XRN1: variants seen among roughly 807,000 people sequenced by gnomAD.
The protein encoded by XRN1 is strand-exchange protein 1 homolog.
In XRN1, 67 loss-of-function variants were observed where a neutral mutation model predicts 222.3. The ratio of observed to expected loss-of-function variants is 0.30; its 90% CI spans 0.25 to 0.37. The LOEUF (loss-of-function observed/expected upper bound fraction) is 0.37, where lower values mean the gene tolerates loss of function less well. Among genes scored for constraint, XRN1 ranks in the 10% least tolerant of loss-of-function variants. XRN1 has a pLI of 1.00. For synonymous variants in XRN1, 643 were observed against 652.4 expected, an observed-to-expected ratio of 0.99 and a Z score of 0.22; for missense variants, 1,707 against 2,000.2, an observed-to-expected ratio of 0.85 and a Z score of 2.80.
chr3:142,319,833 C>T (rs1029395365), intron 37 of XRN1, among the ~76,000 whole-genome samples: 6 of 151,892 alleles, frequency 4.0e-5, no homozygotes, highest in East Asian at 1.9e-4. Context: ...CTACAAGATA[C>T]GTGATTTCAT....
rs373660192 is a variant in XRN1 at position 142,422,903 on chromosome 3, T to A, written c.730A>T (p.Thr244Ser). The change falls in exon 7 of 41, where the codon ACT (threonine) becomes TCT (serine). Residue 244 changes from threonine (T) to serine (S), a missense_variant. Physicochemically the swap from Thr to Ser is moderately conservative, Grantham distance 58 (BLOSUM62 1). Coordinates refer to ENST00000392981, the MANE Select transcript of XRN1 (RefSeq NM_001282857.2). The stretch of plus-strand genomic sequence containing the variant: ...GACAAGTGTAGAAGGTGAAATGTAG[T>A]TTCTTCTGGAGCACATACCCTGGAA... ...KTQRVCAPEE[T>S]TFHLLHLSLM... 4 of 1,612,200 alleles carry A rather than the reference T, an allele frequency of 2.5e-6. No individual in the cohort carries two copies. The African/African-American group carries it at 5.3e-5, about 22-fold the overall frequency.
intron 30 of XRN1, among the ~76,000 whole-genome samples, chr3:142,358,054 C>CAACAAAAACAAA (rs1035696327): frequency 5.2e-4 from 79 of 151,806 alleles, no homozygotes; most frequent in Non-Finnish European, 7.7e-4. Flanking sequence ...CAAAATACAA[C>CAACAAAAACAAA]AACAAAAACA....
intron 3 of XRN1, 165 bp downstream of exon 3, chr3:142,426,579 G>T: frequency 1.6e-6 from 1 of 612,722 alleles, no homozygotes; most frequent in South Asian, 2.2e-5. Context: ...GAGTATTTAT[G>T]ACCAAGGTGA....
intron 37 of XRN1, among the ~76,000 whole-genome samples, chr3:142,324,493 C>T (rs1175859793): frequency 2.0e-5 from 3 of 151,992 alleles, no homozygotes; most frequent in East Asian, 3.9e-4. Flanking sequence ...TCCAGTCTAT[C>T]GTTGTTGGAC....
Position 142,306,627 on chromosome 3 carries a change from C to A in XRN1, c.*4884G>T, listed in dbSNP as rs2064970671. 6.6e-6 allele frequency: 1 copy of A among 152,410 alleles called. No homozygotes were observed. Among genetic ancestry groups the A allele is most frequent in the South Asian group, 2.1e-4 (1 of 4,828 alleles). The allele number at this position is 152,410 out of a possible 1,614,324, so 9.4% of individuals were successfully genotyped here. A position where few individuals can be genotyped will look rare whatever the true frequency, so the allele number is the denominator to read the frequency against. ...ACAGCTTATAAAATCATTCTCAAGT[C>A]TTTAATTAAAATCCATAGAGCATTT... On this transcript the variant is annotated 3_prime_UTR_variant, in exon 41 of 41. Transcript: ENST00000392981.
In XRN1 at chr3:142,345,198, G is replaced by A. The variant is rs150145183; in HGVS notation, c.3877+2036C>T. ...CAATCCTCCTGCCTCAGACTCCTGGGCAGCTGGTACTACAGATGCATGCCT... is the reference window on the plus strand; with the variant it reads ...CAATCCTCCTGCCTCAGACTCCTGGACAGCTGGTACTACAGATGCATGCCT... On this transcript the variant is annotated intron_variant, in intron 33 of 40. Transcript: ENST00000392981. 3.0e-4 allele frequency among the ~76,000 whole-genome samples: 46 copies of A among 152,276 alleles called. 1 individual carries two copies. The East Asian group carries it at 8.7e-3, about 29-fold the overall frequency.
rs550578009 is a variant in XRN1 at position 142,415,199 on chromosome 3, A to C, written c.1437-908T>G. On this transcript the variant is annotated intron_variant, in intron 13 of 40. Transcript: ENST00000392981. ...TTTGTTTTTATTACCTTCTCATCTTAATTACAGGTATAAATATTTTATAAA... is the reference window on the plus strand; with the variant it reads ...TTTGTTTTTATTACCTTCTCATCTTCATTACAGGTATAAATATTTTATAAA... 3.9e-5 allele frequency among the ~76,000 whole-genome samples: 6 copies of C among 152,306 alleles called. No homozygotes were observed. In the East Asian group the frequency reaches 1.2e-3, roughly 29 times the overall value.
Position 142,371,240 on chromosome 3 carries a change from C to A in XRN1, c.3067G>T (p.Gly1023Cys), listed in dbSNP as rs748567197. ...ATAAATATCATAAATCTTGCTTACC[C>A]ATTCTCATTTTCTCCAGGCCAAATG... ...DDIWPGENEN[G>C]AEKVQEIITW... is the part of the protein sequence containing the mutation. Residue 1023 changes from glycine (G) to cysteine (C), a missense_variant and splice_region_variant, in exon 26 of 41, where the codon GGT becomes TGT. This residue lies in a region of XRN1 where 1,234 missense variants were observed against 1,518.2 expected (regional missense o/e 0.81). Coordinates refer to ENST00000392981, the MANE Select transcript of XRN1 (RefSeq NM_001282857.2). 1 of 1,612,054 alleles carries A rather than the reference C, an allele frequency of 6.2e-7. No individual in the cohort carries two copies. Among genetic ancestry groups the A allele is most frequent in the South Asian group, 1.1e-5 (1 of 90,750 alleles).
At position 142,333,052 on chromosome 3, in the gene XRN1, T is replaced by G; in HGVS notation, c.3977A>C (p.Asn1326Thr). 1 of 1,613,272 alleles carries G rather than the reference T, an allele frequency of 6.2e-7. No homozygotes were observed. The highest frequency in any genetic ancestry group is 8.5e-7 in the Non-Finnish European group (1 of 1,179,588). Reference sequence around the variant, plus strand: ...CTGTACTTCATTTTCTTTGGAGATATTCAAAGATGCTAAAAAGTTCTCAAT... The same window carrying G: ...CTGTACTTCATTTTCTTTGGAGATAGTCAAAGATGCTAAAAAGTTCTCAAT... ...SGIENFLASL[N>T]ISKENEVQSS... The change falls in exon 35 of 41, where the codon AAT (asparagine) becomes ACT (threonine). Residue 1326 changes from asparagine (N) to threonine (T), a missense_variant. Coordinates refer to ENST00000392981, the MANE Select transcript of XRN1 (RefSeq NM_001282857.2).
chr3:142,319,762 C>T (rs1364575568), intron 37 of XRN1, among the ~76,000 whole-genome samples: 1 of 152,122 alleles, frequency 6.6e-6, no homozygotes, highest in East Asian at 1.9e-4. Flanking sequence ...CATGTGATAT[C>T]TGACTTTCTG....
intron 22 of XRN1, among the ~76,000 whole-genome samples, chr3:142,381,677 T>C (rs58286086): frequency 0.078 from 11,879 of 151,484 alleles, 1,573 homozygotes; most frequent in African/African-American, 0.27. Context: ...AAGCAATTCT[T>C]ATTCTCAGCC....
At chr3:142,345,254 G>A (rs1577258494) in intron 33 of XRN1, among the ~76,000 whole-genome samples, 1 of 152,114 alleles carries the variant, frequency 6.6e-6, no homozygotes. Flanking sequence ...TTTGACAAGG[G>A]TGCCAAGACT....
In XRN1 at chr3:142,403,987, T is replaced by C; in HGVS notation, c.1886A>G (p.Tyr629Cys). The stretch of plus-strand genomic sequence containing the variant: ...CCAAGCATCTAAGGATATTATTTTA[T>C]ACCTAGAAAATAAATCAAGGCATTT... ...FPAIERCCTR[Y>C]KIISLDAWRV... Residue 629 changes from tyrosine (Y) to cysteine (C), a missense_variant and splice_region_variant, in exon 17 of 41, where the codon TAT becomes TGT. Physicochemically the swap from Tyr to Cys is radical, Grantham distance 194. Around this residue, in one of 2 missense-constraint regions of XRN1, gnomAD observed 1,234 missense variants for 1,518.2 expected, o/e 0.81. Transcript: ENST00000392981. 10 of 1,566,126 alleles carry C rather than the reference T, an allele frequency of 6.4e-6. No individual in the cohort carries two copies. The highest frequency in any genetic ancestry group is 1.1e-5 in the South Asian group (1 of 87,296).
intron 20 of XRN1, among the ~76,000 whole-genome samples, chr3:142,387,585 ACATAC>A: frequency 6.6e-6 from 1 of 152,216 alleles, no homozygotes; most frequent in Non-Finnish European, 1.5e-5. Context: ...GTTTCCCAGT[ACATAC>A]CAAAGTTATG....
intron 30 of XRN1, 22 bp from the exon 31 acceptor site, chr3:142,357,141 G>C (rs541667711): frequency 1.3e-6 from 2 of 1,578,806 alleles, no homozygotes; most frequent in South Asian, 2.3e-5. Flanking sequence ...AGTTATATCA[G>C]GGTTGGAAGG....
At chr3:142,408,916 T>C (rs1376128133) in intron 15 of XRN1, among the ~76,000 whole-genome samples, 1 of 152,234 alleles carries the variant, frequency 6.6e-6, no homozygotes, top group Non-Finnish European at 1.5e-5. Context: ...TGGTATCTTA[T>C]CATGCTTTTA....
At chr3:142,314,133 C>G (rs2065146422) in intron 39 of XRN1, among the ~76,000 whole-genome samples, 1 of 152,060 alleles carries the variant, frequency 6.6e-6, no homozygotes, top group Non-Finnish European at 1.5e-5. Context: ...TTTTTTTATA[C>G]CATAAAATAG....
intron 18 of XRN1, 108 bp downstream of exon 18, chr3:142,403,566 C>T (rs528881113): frequency 1.1e-4 from 107 of 997,646 alleles, no homozygotes; most frequent in Non-Finnish European, 1.5e-4. Flanking sequence ...ATTTAGGCTC[C>T]AAATTTCTAG....
intron 13 of XRN1, among the ~76,000 whole-genome samples, chr3:142,415,454 T>C (rs1199322685): frequency 6.6e-6 from 1 of 152,238 alleles, no homozygotes; most frequent in Non-Finnish European, 1.5e-5. Flanking sequence ...TTACCTAACC[T>C]TTCTCAACCT....
Sources: gnomAD v4.1 joint callset for allele counts (sites outside exome capture counted in the v4.1 genomes callset) on GRCh38, gnomAD v4.1.1 for gene constraint, gnomAD v4.1.1 regional missense constraint, MANE v1.5 for transcripts, NCBI Gene and HGNC (gene_info 2026-07-23, HGNC 2026-07-21) for gene names.